The following MAPK12 variants were observed in gnomAD, a reference collection of about 807,000 sequenced individuals.
MAPK12 encodes MAP kinase 12.
A neutral mutation model predicts 49.1 loss-of-function variants in MAPK12; 49 were observed. That is an observed-to-expected ratio of 1.00 (90% CI 0.79 to 1.27). MAPK12 has a LOEUF of 1.27. Among genes scored for constraint, MAPK12 ranks in the 50% most tolerant of loss-of-function variants. The pLI is 0.00. For missense variants in MAPK12, 554 were observed against 502.4 expected (o/e 1.10, Z -0.98); for synonymous variants, 251 against 209.7 (o/e 1.20, Z -1.70).
chr22:50,257,688 AATGGTAT>A (rs2065164566), intron 3 of MAPK12: 1 of 599,832 alleles, frequency 1.7e-6, no homozygotes, highest in Non-Finnish European at 3.0e-6. Flanking sequence ...GACACAGGAG[AATGGTAT>A]TTAGCACCTT....
intron 11 of MAPK12, chr22:50,254,528 T>C (rs892639276): frequency 1.4e-5 from 6 of 444,138 alleles, no homozygotes; most frequent in African/African-American, 1.3e-4. Context: ...GGCGGGCGCC[T>C]GTAGTCCCGG....
chr22:50,256,288 C>T (rs893424955), intron 6 of MAPK12, 89 bp from the exon 7 acceptor site: 6 of 997,022 alleles, frequency 6.0e-6, no homozygotes, highest in Admixed American at 2.4e-5. Context: ...GGGGGTTGGA[C>T]TTGAAGCTCC....
At chr22:50,254,933 C>T (rs1395248468) in intron 11 of MAPK12, 3 of 1,363,310 alleles carry the variant, frequency 2.2e-6, no homozygotes, top group Admixed American at 3.0e-5. Context: ...AGCCAGAGGT[C>T]ATCTCCACCA....
At chr22:50,257,054 T>C in intron 4 of MAPK12, 28 bp downstream of exon 4, 1 of 1,608,004 alleles carries the variant, frequency 6.2e-7, no homozygotes, top group Non-Finnish European at 8.5e-7. Flanking sequence ...CCTGCCTGCC[T>C]CCCTGCAGCC....
At chr22:50,259,239 C>T (rs928790463) in intron 2 of MAPK12, among the ~76,000 whole-genome samples, 18 of 152,112 alleles carry the variant, frequency 1.2e-4, no homozygotes, top group African/African-American at 3.9e-4. Context: ...GGAGAGGGAA[C>T]AGAGGGGGTG....
Position 50,255,707 on chromosome 22 carries a change from C to T in MAPK12, c.692-13G>A. The T allele has an allele frequency of 6.2e-7, 1 of 1,609,854 alleles. No individual in the cohort carries two copies. The highest frequency in any genetic ancestry group is 8.5e-7 in the Non-Finnish European group (1 of 1,179,958). ...AGCTGGTCCAGGTCTGCACCGAGGT[C>T]AGGAACACAGCTCGGGGGCCAGAGA... On this transcript the variant is annotated splice_polypyrimidine_tract_variant and intron_variant, in intron 8 of 11. Transcript: ENST00000215659.
rs1400345634 is a variant in MAPK12, at chr22:50,257,205, G to A, written c.315-12C>T. The A allele has an allele frequency of 1.2e-6, 2 of 1,603,384 alleles. No homozygotes were observed. The highest frequency in any genetic ancestry group is 8.5e-7 in the Non-Finnish European group (1 of 1,172,354). On this transcript the variant is annotated splice_polypyrimidine_tract_variant and intron_variant, in intron 3 of 11. Coordinates refer to ENST00000215659, the MANE Select transcript of MAPK12 (RefSeq NM_002969.6). ...GCATCACCAGGTAACTGTGGGAGGGGCCGGAGCGCTGTCAGCGGACAGAGC... is the reference window on the plus strand; with the variant it reads ...GCATCACCAGGTAACTGTGGGAGGGACCGGAGCGCTGTCAGCGGACAGAGC...
chr22:50,261,368 G>A lies in MAPK12; in HGVS notation c.125+17C>T. On this transcript the variant is annotated intron_variant, in intron 1 of 11. Coordinates refer to ENST00000215659, the MANE Select transcript of MAPK12 (RefSeq NM_002969.6). ...CCCCGCCCGCCCCGCCGGCCGCCCCGCCCGGCCCGCGCTCACCACACCGCG... is the reference window on the plus strand; with the variant it reads ...CCCCGCCCGCCCCGCCGGCCGCCCCACCCGGCCCGCGCTCACCACACCGCG... 3 of 1,138,068 alleles carry A rather than the reference G, an allele frequency of 2.6e-6. No individual in the cohort carries two copies. Among genetic ancestry groups the A allele is most frequent in the Non-Finnish European group, 2.2e-6 (2 of 925,348 alleles). 70.5% of individuals were successfully genotyped at this position (1,138,068 alleles called of 1,614,324 possible). A position where few individuals can be genotyped will look rare whatever the true frequency, so the allele number is the denominator to read the frequency against.
intron 2 of MAPK12, chr22:50,260,738 G>C (rs1342749792): frequency 6.4e-6 from 1 of 156,020 alleles, no homozygotes; most frequent in African/African-American, 2.4e-5. Context: ...GACAGCAGCA[G>C]AGTGGGCTCC....
chr22:50,253,502 G>GGGAGCC, intron 11 of MAPK12, 22 bp from the exon 12 acceptor site: 1 of 171,686 alleles, frequency 5.8e-6, no homozygotes, highest in South Asian at 4.5e-5. Context: ...GGGGGGGCGG[G>GGGAGCC]CACAACAGAG....
In MAPK12 at chr22:50,261,280, G is replaced by T. The variant is rs759018144; in HGVS notation, c.142C>A (p.Arg48Ser). The T allele has an allele frequency of 3.3e-6, 5 of 1,499,560 alleles. No homozygotes were observed. Among genetic ancestry groups the T allele is most frequent in the Non-Finnish European group, 4.5e-6 (5 of 1,121,644 alleles). 92.9% of individuals were successfully genotyped at this position (1,499,560 alleles called of 1,614,324 possible). The change falls in exon 2 of 12, where the codon CGC (arginine) becomes AGC (serine). Residue 48 changes from arginine to serine, a missense_variant. Transcript: ENST00000215659. ...YGAVCSAVDG[R>S]TGAKVAIKKL... ...TTGATGGCCACCTTAGCGCCGGTGC[G>T]GCCGTCCACGGCCGAGCTGCGGGGC...
At chr22:50,257,284 G>T in intron 3 of MAPK12, 91 bp from the exon 4 acceptor site, 2 of 941,848 alleles carry the variant, frequency 2.1e-6, no homozygotes, top group Non-Finnish European at 3.3e-6. Flanking sequence ...GACCCGTCCC[G>T]GATCCAACAG....
In MAPK12 at chr22:50,261,546, G is replaced by T; in HGVS notation, c.-37C>A. On this transcript the variant is annotated 5_prime_UTR_variant, in exon 1 of 12. Transcript: ENST00000215659. Reference sequence around the variant, plus strand: ...GAGCTGCCCACCCCGCAGAGCCTGCGGGCGGTGCCCCCACGACCGGGGACG... The same window carrying T: ...GAGCTGCCCACCCCGCAGAGCCTGCTGGCGGTGCCCCCACGACCGGGGACG... 1 of 1,073,044 alleles carries T rather than the reference G, an allele frequency of 9.3e-7. No individual in the cohort carries two copies. Among genetic ancestry groups the T allele is most frequent in the South Asian group, 3.3e-5 (1 of 30,134 alleles). 66.5% of individuals were successfully genotyped at this position (1,073,044 alleles called of 1,614,324 possible).
Position 50,261,233 on chromosome 22 carries a change from C to T in MAPK12, c.189G>A (p.Gln63=), listed in dbSNP as rs2065209952. ...VAIKKLYRPF[Q]SELFAKRAYR... ...AGGCGCGCTTGGCGAACAGCTCGGA[C>T]TGGAAAGGCCGATACAGCTTCTTGA... The change falls in exon 2 of 12, where the codon CAG becomes CAA. Residue 63 remains glutamine, a synonymous_variant. Transcript: ENST00000215659. 1 of 1,585,342 alleles carries T rather than the reference C, an allele frequency of 6.3e-7. No individual in the cohort carries two copies. Among genetic ancestry groups the T allele is most frequent in the East Asian group, 2.4e-5 (1 of 42,372 alleles).
In MAPK12 at chr22:50,258,235, G is replaced by T. The variant is rs1447681656; in HGVS notation, c.314+8C>A. On this transcript the variant is annotated splice_region_variant and intron_variant, in intron 3 of 11. Transcript: ENST00000215659. ...CGTGCCCAGCGGCCAGCCCAGGTCG[G>T]CACTCACAAGTCCGTGAAGTCATCC... 1 of 1,612,984 alleles carries T rather than the reference G, an allele frequency of 6.2e-7. No homozygotes were observed. The highest frequency in any genetic ancestry group is 1.3e-5 in the African/African-American group (1 of 75,056).
chr22:50,257,341 C>CACAGCT, intron 3 of MAPK12, 148 bp from the exon 4 acceptor site: 4 of 640,652 alleles, frequency 6.2e-6, no homozygotes, highest in Non-Finnish European at 1.1e-5. Context: ...ACACTGGCCT[C>CACAGCT]GGTGTCCTCG....
intron 3 of MAPK12, chr22:50,257,538 TC>T: frequency 1.9e-6 from 1 of 522,656 alleles, no homozygotes; most frequent in East Asian, 3.4e-5. Flanking sequence ...GCAGCAGGAC[TC>T]GAGTCTTCAC....
rs377712106 is a variant in MAPK12 at position 50,255,901 on chromosome 22, C to A, written c.620-20G>T. On this transcript the variant is annotated intron_variant, in intron 7 of 11. Transcript: ENST00000215659. ...TGTCCACTGAGATAGAAGCCCTGGTCAGCTCCGTGGGCAGGGGGACAGGAT... is the reference window on the plus strand; with the variant it reads ...TGTCCACTGAGATAGAAGCCCTGGTAAGCTCCGTGGGCAGGGGGACAGGAT... 4 of 1,609,518 alleles carry A rather than the reference C, an allele frequency of 2.5e-6. No homozygotes were observed. The highest frequency in any genetic ancestry group is 2.7e-5 in the African/African-American group (2 of 74,830).
intron 2 of MAPK12, chr22:50,260,869 T>C (rs1175671467): frequency 1.5e-5 from 4 of 269,336 alleles, no homozygotes; most frequent in African/African-American, 2.2e-5. Flanking sequence ...GCGTGAGACC[T>C]GGAGGATCCC....
Sources: gnomAD v4.1 joint callset for allele counts (sites outside exome capture counted in the v4.1 genomes callset) on GRCh38, gnomAD v4.1.1 for gene constraint, MANE v1.5 for transcripts, NCBI Gene and HGNC (gene_info 2026-07-23, HGNC 2026-07-21) for gene names.